Variants in PTPRD observed in about 807,000 individuals in gnomAD.
PTPRD encodes protein tyrosine phosphatase receptor type D.
PTPRD carries 34 observed loss-of-function variants against 214.5 expected under a neutral mutation model. That is an observed-to-expected ratio of 0.16 (90% CI 0.12 to 0.21). PTPRD has a LOEUF of 0.21. Ranked by LOEUF, PTPRD falls within the 10% of genes least tolerant of loss-of-function variation. The pLI is 1.00. For missense variants in PTPRD, 2,545 were observed against 2,398.7 expected (o/e 1.06, Z -1.27); for synonymous variants, 1,128 against 845.7 (o/e 1.33, Z -5.79).
Position 8,994,536 on chromosome 9 carries a change from T to C in PTPRD, c.-104+24161A>G, listed in dbSNP as rs546247856. On this transcript the variant is annotated intron_variant, in intron 11 of 45. Coordinates refer to ENST00000381196, the MANE Select transcript of PTPRD (RefSeq NM_002839.4). ...GAGCAATAAATTTGAGAATATGAAA[T>C]AATTAAGTGGCTAGAAAGCTTAGAG... Among the ~76,000 whole-genome samples, 22 of 151,982 alleles carry C rather than the reference T, an allele frequency of 1.4e-4. 1 individual carries two copies. In the South Asian group the frequency reaches 4.4e-3, roughly 30 times the overall value.
intron 11 of PTPRD, among the ~76,000 whole-genome samples, chr9:8,970,122 G>C (rs1182642339): frequency 6.6e-6 from 1 of 151,846 alleles, no homozygotes; most frequent in Non-Finnish European, 1.5e-5. Flanking sequence ...TTTATAACTA[G>C]AAATTCTAGA....
In PTPRD at chr9:9,354,169, T is replaced by G. The variant is rs903503951; in HGVS notation, c.-203+43280A>C. On this transcript the variant is annotated intron_variant, in intron 9 of 45. Transcript: ENST00000381196. ...GCTATTTATAGGCCAGTTTTACCCA[T>G]GATGGTTCCTCTTTCTTAAAGTTAA... Among the ~76,000 whole-genome samples the G allele has an allele frequency of 2.0e-5, 3 of 151,868 alleles. No individual in the cohort carries two copies. In the East Asian group the frequency reaches 5.9e-4, roughly 30 times the overall value.
At chr9:10,075,866 T>G (rs991759690) in intron 3 of PTPRD, among the ~76,000 whole-genome samples, 5 of 152,128 alleles carry the variant, frequency 3.3e-5, no homozygotes, top group Admixed American at 2.0e-4. Context: ...GATATCTGCT[T>G]CATCTTCTAT....
chr9:9,786,416 G>A (rs1011027817), intron 5 of PTPRD, among the ~76,000 whole-genome samples: 5 of 152,138 alleles, frequency 3.3e-5, no homozygotes, highest in Admixed American at 6.5e-5. Context: ...TAATAGATTT[G>A]TATATAATGG....
At chr9:10,446,546 C>T (rs1206963344) in intron 2 of PTPRD, among the ~76,000 whole-genome samples, 1 of 147,060 alleles carries the variant, frequency 6.8e-6, no homozygotes, top group African/African-American at 2.5e-5. Context: ...TAGAAATACA[C>T]TCTAGATTTT....
At chr9:8,712,406 T>G (rs888729900) in intron 12 of PTPRD, among the ~76,000 whole-genome samples, 1 of 152,132 alleles carries the variant, frequency 6.6e-6, no homozygotes, top group Admixed American at 6.5e-5. Flanking sequence ...TGAAAGGTTT[T>G]GTAAAAACTT....
intron 9 of PTPRD, among the ~76,000 whole-genome samples, chr9:9,297,421 C>G (rs895398164): frequency 6.6e-6 from 1 of 151,442 alleles, no homozygotes; most frequent in Admixed American, 6.6e-5. Context: ...CTGGATGAGT[C>G]CTTTTAGTCC....
At chr9:10,581,643 T>A (rs1056488828) in intron 2 of PTPRD, among the ~76,000 whole-genome samples, 2 of 152,194 alleles carry the variant, frequency 1.3e-5, no homozygotes, top group African/African-American at 4.8e-5. Flanking sequence ...GTATTTTGTG[T>A]ACAATTACCC....
At chr9:10,092,766 C>T (rs912315555) in intron 3 of PTPRD, among the ~76,000 whole-genome samples, 14 of 151,232 alleles carry the variant, frequency 9.3e-5, no homozygotes, top group Admixed American at 6.6e-5. Flanking sequence ...TACAGACCAA[C>T]AGAACAGACT....
In PTPRD at chr9:8,431,075, A is replaced by C. The variant is rs1330967075; in HGVS notation, c.4086+5517T>G. Among the ~76,000 whole-genome samples the C allele has an allele frequency of 2.6e-5, 4 of 152,112 alleles. No homozygotes were observed. In the East Asian group the frequency reaches 7.7e-4, roughly 29 times the overall value. ...CAGCTCACAAGCCTCCTTACACAGA[A>C]ACTTCGCTCTCCCCCATCTAAGATC... On this transcript the variant is annotated intron_variant, in intron 35 of 45. Transcript: ENST00000381196.
At chr9:9,177,446 A>G (rs2099925588) in intron 10 of PTPRD, among the ~76,000 whole-genome samples, 1 of 152,162 alleles carries the variant, frequency 6.6e-6, no homozygotes, top group Non-Finnish European at 1.5e-5. Flanking sequence ...ACTGATAAGT[A>G]CTGACTAAAA....
intron 7 of PTPRD, among the ~76,000 whole-genome samples, chr9:9,583,747 A>T (rs531206106): frequency 2.0e-5 from 3 of 152,074 alleles, no homozygotes; most frequent in Admixed American, 1.3e-4. Flanking sequence ...ATTCATTTTC[A>T]TTTTACTTCA....
chr9:8,347,091 G>GC (rs1564146181), intron 39 of PTPRD, among the ~76,000 whole-genome samples: 2 of 128,046 alleles, frequency 1.6e-5, no homozygotes. Flanking sequence ...CCTGCGGATA[G>GC]AGGGGGACTA....
intron 11 of PTPRD, among the ~76,000 whole-genome samples, chr9:8,835,149 C>T (rs988869325): frequency 1.3e-5 from 2 of 152,126 alleles, no homozygotes; most frequent in African/African-American, 2.4e-5. Flanking sequence ...ATGGGGTGGA[C>T]GAAGAAACGA....
chr9:10,268,670 G>A (rs146370413), intron 3 of PTPRD, among the ~76,000 whole-genome samples: 29 of 152,152 alleles, frequency 1.9e-4, no homozygotes, highest in African/African-American at 7.0e-4. Context: ...TACTCACATT[G>A]TCTCCTTCCT....
chr9:10,071,257 G>C (rs943159731), intron 3 of PTPRD, among the ~76,000 whole-genome samples: 3 of 151,956 alleles, frequency 2.0e-5, no homozygotes, highest in Non-Finnish European at 4.4e-5. Flanking sequence ...TGTATATATG[G>C]ATAACCTGAT....
chr9:9,172,939 GATC>G (rs2099922366), intron 10 of PTPRD, among the ~76,000 whole-genome samples: 1 of 152,108 alleles, frequency 6.6e-6, no homozygotes. Context: ...TTCAGTGAAA[GATC>G]ATCTTCTGTT....
At chr9:9,185,115 G>A (rs992146351) in intron 9 of PTPRD, among the ~76,000 whole-genome samples, 4 of 152,022 alleles carry the variant, frequency 2.6e-5, no homozygotes, top group Middle Eastern at 3.2e-3. Context: ...TAGTCGTGGT[G>A]ATTTGGAATG....
At chr9:8,416,316 C>A (rs888139316) in intron 35 of PTPRD, among the ~76,000 whole-genome samples, 5 of 152,104 alleles carry the variant, frequency 3.3e-5, no homozygotes, top group African/African-American at 1.2e-4. Flanking sequence ...AATACACACA[C>A]ATATAAAAAC....
Sources: gnomAD v4.1 joint callset for allele counts (sites outside exome capture counted in the v4.1 genomes callset) on GRCh38, gnomAD v4.1.1 for gene constraint, MANE v1.5 for transcripts, NCBI Gene and HGNC (gene_info 2026-07-23, HGNC 2026-07-21) for gene names.